The following ARL8B variants were observed in gnomAD, a reference collection of about 807,000 sequenced individuals.
The protein encoded by ARL8B is ARF like GTPase 8B.
In ARL8B, 9 loss-of-function variants were observed where a neutral mutation model predicts 30.6. The observed-to-expected ratio is 0.29, with a 90% CI of 0.18 to 0.51. The LOEUF is 0.51. ARL8B is among the 20% of genes least tolerant of loss of function. The pLI is 0.97. For missense variants in ARL8B, 130 were observed against 227.2 expected, an observed-to-expected ratio of 0.57 and a Z score of 2.75; for synonymous variants, 74 against 76.0, an observed-to-expected ratio of 0.97 and a Z score of 0.14.
At chr3:5,132,658 A>G (rs1430851749) in intron 1 of ARL8B, among the ~76,000 whole-genome samples, 1 of 152,242 alleles carries the variant, frequency 6.6e-6, no homozygotes, top group African/African-American at 2.4e-5. Context: ...TGCTAAGAAC[A>G]GTCCCTGCCA....
chr3:5,122,616 G>T, intron 1 of ARL8B, 28 bp downstream of exon 1: 1 of 1,580,420 alleles, frequency 6.3e-7, no homozygotes. Context: ...CACTCGCCCG[G>T]GGCTCCGCAG....
intron 6 of ARL8B, among the ~76,000 whole-genome samples, chr3:5,176,681 A>G (rs1282069794): frequency 1.3e-5 from 2 of 152,256 alleles, no homozygotes; most frequent in African/African-American, 4.8e-5. Flanking sequence ...TTCACTTGTT[A>G]CATTGGGAGC....
At chr3:5,138,190 G>T (rs1345722006) in intron 1 of ARL8B, among the ~76,000 whole-genome samples, 9 of 141,472 alleles carry the variant, frequency 6.4e-5, no homozygotes, top group African/African-American at 1.8e-4. Flanking sequence ...ATTGCTCTAA[G>T]TTTTTTTTTT....
chr3:5,149,076 T>C (rs1403174913), intron 1 of ARL8B, among the ~76,000 whole-genome samples: 3 of 152,178 alleles, frequency 2.0e-5, no homozygotes, highest in African/African-American at 7.2e-5. Context: ...GAACCGTGGA[T>C]TGGGACTCCG....
intron 1 of ARL8B, among the ~76,000 whole-genome samples, chr3:5,141,099 C>T (rs961959510): frequency 6.6e-6 from 1 of 152,186 alleles, no homozygotes; most frequent in Non-Finnish European, 1.5e-5. Context: ...TTCCCCACTT[C>T]AGTTTCGATT....
intron 1 of ARL8B, among the ~76,000 whole-genome samples, chr3:5,157,476 A>C (rs1361382174): frequency 7.3e-6 from 1 of 136,312 alleles, no homozygotes; most frequent in African/African-American, 3.1e-5. Context: ...GAATCGCAAA[A>C]AAACAAACAA....
chr3:5,126,253 A>G (rs972673256), intron 1 of ARL8B, among the ~76,000 whole-genome samples: 1 of 152,170 alleles, frequency 6.6e-6, no homozygotes, highest in African/African-American at 2.4e-5. Context: ...AATGTGTCCA[A>G]AATAGTAAGT....
chr3:5,164,518 T>C (rs1227646698), intron 1 of ARL8B, among the ~76,000 whole-genome samples: 1 of 152,226 alleles, frequency 6.6e-6, no homozygotes, highest in Non-Finnish European at 1.5e-5. Context: ...TGGTTAACAT[T>C]TTACCTCATT....
rs562182129 is a variant in ARL8B, at chr3:5,125,050, T to G, written c.123+2462T>G. Among the ~76,000 whole-genome samples, 8 of 152,356 alleles carry G rather than the reference T, an allele frequency of 5.3e-5. No homozygotes were observed. The East Asian group carries it at 1.5e-3, about 29-fold the overall frequency. ...TCTGTTTTCAGTAGACAGTGTAGCTTAATGAGCATGACCTTTGAAGTCAGA... is the reference window on the plus strand; with the variant it reads ...TCTGTTTTCAGTAGACAGTGTAGCTGAATGAGCATGACCTTTGAAGTCAGA... On this transcript the variant is annotated intron_variant, in intron 1 of 6. Coordinates refer to ENST00000256496, the MANE Select transcript of ARL8B (RefSeq NM_018184.3).
chr3:5,142,936 T>C (rs1051240131), intron 1 of ARL8B, among the ~76,000 whole-genome samples: 1 of 152,222 alleles, frequency 6.6e-6, no homozygotes, highest in Non-Finnish European at 1.5e-5. Context: ...AGATGTAGTT[T>C]ATTCTTTAAG....
chr3:5,127,977 C>T (rs2054247483), intron 1 of ARL8B, among the ~76,000 whole-genome samples: 2 of 146,586 alleles, frequency 1.4e-5, no homozygotes, highest in Non-Finnish European at 3.0e-5. Flanking sequence ...ATCATGAGGT[C>T]AGGAGTTTGA....
chr3:5,126,414 T>C (rs1226941347), intron 1 of ARL8B, among the ~76,000 whole-genome samples: 1 of 152,240 alleles, frequency 6.6e-6, no homozygotes, highest in Non-Finnish European at 1.5e-5. Context: ...TTCTCAGGTA[T>C]GAAAAGCTTC....
chr3:5,137,199 G>T (rs1472079148), intron 1 of ARL8B, among the ~76,000 whole-genome samples: 2 of 152,028 alleles, frequency 1.3e-5, no homozygotes, highest in Non-Finnish European at 2.9e-5. Flanking sequence ...TGAGCTCATG[G>T]TGAGGTAAGA....
intron 1 of ARL8B, among the ~76,000 whole-genome samples, chr3:5,133,318 T>C (rs532677595): frequency 1.3e-5 from 2 of 152,338 alleles, no homozygotes; most frequent in South Asian, 4.1e-4. Context: ...AGACCTGTGT[T>C]TCCGAAGGAT....
chr3:5,136,638 T>C lies in ARL8B; in HGVS notation c.123+14050T>C, dbSNP rs143086980. Among the ~76,000 whole-genome samples, 168 of 152,330 alleles carry C rather than the reference T, an allele frequency of 1.1e-3. 1 individual carries two copies. Among genetic ancestry groups the C allele is most frequent in the African/African-American group, 3.8e-3 (160 of 41,568 alleles). On this transcript the variant is annotated intron_variant, in intron 1 of 6. Coordinates refer to ENST00000256496, the MANE Select transcript of ARL8B (RefSeq NM_018184.3). ...CTAGGAACACTTACAAATTTTAGTATTTATTCTGGCAGGATTTGGAAAGGG... is the reference window on the plus strand; with the variant it reads ...CTAGGAACACTTACAAATTTTAGTACTTATTCTGGCAGGATTTGGAAAGGG...
At chr3:5,125,730 A>G (rs1220908863) in intron 1 of ARL8B, among the ~76,000 whole-genome samples, 1 of 152,040 alleles carries the variant, frequency 6.6e-6, no homozygotes, top group East Asian at 1.9e-4. Flanking sequence ...ACGGGGTTTC[A>G]CCATGTTGGG....
At chr3:5,153,645 TC>T (rs201587382) in intron 1 of ARL8B, among the ~76,000 whole-genome samples, 2,059 of 152,320 alleles carry the variant, frequency 0.014, 16 homozygotes, top group Non-Finnish European at 0.019. Context: ...AAAAATTTTT[TC>T]CTTTCAGCCA....
rs1575575198 is a variant in ARL8B at position 5,172,505 on chromosome 3, C to T, written c.279-142C>T. 6.0e-6 allele frequency: 4 copies of T among 662,208 alleles called. No homozygotes were observed. In the East Asian group the frequency reaches 1.1e-4, roughly 18 times the overall value. 41.0% of individuals were successfully genotyped at this position (662,208 alleles called of 1,614,324 possible). A position where few individuals can be genotyped will look rare whatever the true frequency, so the allele number is the denominator to read the frequency against. ...TCTAGTTAAAAAGTATTAAAGGGTG[C>T]TGAGCCTTTTCTTATGACATAGTTT... On this transcript the variant is annotated intron_variant, in intron 3 of 6. Transcript: ENST00000256496.
chr3:5,126,564 A>G (rs1303233519), intron 1 of ARL8B, among the ~76,000 whole-genome samples: 1 of 152,194 alleles, frequency 6.6e-6, no homozygotes, highest in African/African-American at 2.4e-5. Context: ...AATTACTATT[A>G]TATGTAGGGT....
Sources: allele counts gnomAD v4.1 joint callset (sites outside exome capture counted in the v4.1 genomes callset), GRCh38; gene constraint gnomAD v4.1.1; transcripts MANE v1.5; gene names NCBI Gene and HGNC (gene_info 2026-07-23, HGNC 2026-07-21).